DNASE1: variants seen among roughly 807,000 people sequenced by gnomAD.
DNASE1 encodes the protein deoxyribonuclease 1.
A neutral mutation model predicts 33.9 loss-of-function variants in DNASE1; 40 were observed. The observed-to-expected ratio is 1.18, with a 90% CI of 0.92 to 1.54. The LOEUF (loss-of-function observed/expected upper bound fraction) is 1.54. Ranked by LOEUF, DNASE1 falls within the 40% of genes most tolerant of loss-of-function variation. DNASE1 has a pLI of 0.00. For synonymous variants in DNASE1, 216 were observed against 160.0 expected (o/e 1.35, Z -2.64); for missense variants, 518 against 372.6 (o/e 1.39, Z -3.21).
chr16:3,624,702 G>A (rs1385184322), intron 1 of DNASE1, among the ~76,000 whole-genome samples: 2 of 152,006 alleles, frequency 1.3e-5, no homozygotes, highest in African/African-American at 4.8e-5. Flanking sequence ...TTTTGAGATG[G>A]AGTCTTACTT....
chr16:3,656,756 G>T lies in DNASE1; in HGVS notation c.436+3G>T, dbSNP rs753077810. On this transcript the variant is annotated splice_donor_region_variant and intron_variant, in intron 5 of 8. Coordinates refer to ENST00000246949, the MANE Select transcript of DNASE1 (RefSeq NM_005223.4). ...CAGGTTCTTCTCCCGGTTCACAGGTGGGTGCTGCCTGGGCCAGGGTGGGGC... is the reference window on the plus strand; with the variant it reads ...CAGGTTCTTCTCCCGGTTCACAGGTTGGTGCTGCCTGGGCCAGGGTGGGGC... 3.1e-6 allele frequency: 5 copies of T among 1,602,410 alleles called. No individual in the cohort carries two copies. The African/African-American group carries it at 5.4e-5, about 17-fold the overall frequency.
downstream of DNASE1, chr16:3,661,831 G>C (rs1294131493): frequency 1.0e-6 from 1 of 962,116 alleles, no homozygotes; most frequent in African/African-American, 1.7e-5. Flanking sequence ...CATTTCACAT[G>C]GGTGCAGCCT....
At chr16:3,627,275 CTT>C (rs774487244) in intron 1 of DNASE1, among the ~76,000 whole-genome samples, 39 of 133,720 alleles carry the variant, frequency 2.9e-4, no homozygotes, top group Admixed American at 3.0e-4. Flanking sequence ...ATGACATATC[CTT>C]TTTTTTTTTT....
chr16:3,635,327 G>A (rs992710716), intron 1 of DNASE1, among the ~76,000 whole-genome samples: 10 of 151,764 alleles, frequency 6.6e-5, no homozygotes, highest in South Asian at 4.2e-4. Flanking sequence ...GCGTGGTGGC[G>A]TGTGCCTATA....
At chr16:3,647,649 T>A (rs368949089) in intron 1 of DNASE1, among the ~76,000 whole-genome samples, 1 of 152,184 alleles carries the variant, frequency 6.6e-6, no homozygotes, top group African/African-American at 2.4e-5. Flanking sequence ...GCTGGCATTT[T>A]GAAGCAAATC....
At chr16:3,625,167 G>A (rs2041466905) in intron 1 of DNASE1, among the ~76,000 whole-genome samples, 1 of 152,128 alleles carries the variant, frequency 6.6e-6, no homozygotes, top group African/African-American at 2.4e-5. Context: ...TTAGCCAGGT[G>A]TGGTGGTGCA....
At chr16:3,626,063 G>A (rs1826213608) in intron 1 of DNASE1, among the ~76,000 whole-genome samples, 1 of 152,120 alleles carries the variant, frequency 6.6e-6, no homozygotes, top group Non-Finnish European at 1.5e-5. Context: ...TTCTGCCACT[G>A]TACTCCAGCC....
At chr16:3,658,377 C>G (rs2042848122), downstream of DNASE1, 1 of 680,140 alleles carries the variant, frequency 1.5e-6, no homozygotes, top group East Asian at 2.7e-5. Context: ...CCCCCCGCCT[C>G]CCAAAGTGCT....
chr16:3,636,903 C>A (rs1176569376), intron 1 of DNASE1, among the ~76,000 whole-genome samples: 2 of 151,960 alleles, frequency 1.3e-5, no homozygotes, highest in African/African-American at 4.8e-5. Flanking sequence ...GCAGGCTGAT[C>A]ACTTGAGGTC....
At chr16:3,662,256 T>C (rs552005105), downstream of DNASE1, 36 of 1,189,358 alleles carry the variant, frequency 3.0e-5, no homozygotes, top group Non-Finnish European at 3.9e-5. Flanking sequence ...AGGACTCCCC[T>C]GGACCAGCGC....
chr16:3,620,182 C>T (rs1195855295), intron 1 of DNASE1, among the ~76,000 whole-genome samples: 5 of 152,068 alleles, frequency 3.3e-5, no homozygotes, highest in Non-Finnish European at 7.4e-5. Context: ...TCCCAAAGCG[C>T]TGGGATTACA....
At chr16:3,664,304 G>C in exon 10 of DNASE1, 1 of 1,608,708 alleles carries the variant, frequency 6.2e-7, no homozygotes. Flanking sequence ...TGGCCTCATA[G>C]TAGGGTGAGT....
chr16:3,616,821 T>C (rs1441430964), intron 1 of DNASE1, among the ~76,000 whole-genome samples: 2 of 152,108 alleles, frequency 1.3e-5, no homozygotes, highest in African/African-American at 4.8e-5. Context: ...GGAAGAGAAT[T>C]GAGAGTCTAG....
chr16:3,616,314 C>G (rs1035903223), intron 1 of DNASE1, among the ~76,000 whole-genome samples: 4 of 152,138 alleles, frequency 2.6e-5, no homozygotes, highest in Non-Finnish European at 5.9e-5. Flanking sequence ...AGTGGAAAAA[C>G]CGATGTTAAA....
chr16:3,663,120 CAA>C (rs2043177029), exon 10 of DNASE1: 2 of 694,214 alleles, frequency 2.9e-6, no homozygotes, highest in African/African-American at 1.8e-5. Context: ...AGTAAAACCT[CAA>C]AGGATGCTTC....
intron 1 of DNASE1, among the ~76,000 whole-genome samples, chr16:3,648,519 C>T (rs1161704103): frequency 6.6e-6 from 1 of 152,100 alleles, no homozygotes; most frequent in Non-Finnish European, 1.5e-5. Context: ...TGGTGTGAAC[C>T]CCAGAGGCGA....
intron 7 of DNASE1, among the ~76,000 whole-genome samples, 176 bp from the exon 8 acceptor site, chr16:3,657,544 G>C (rs559948770): frequency 6.6e-6 from 1 of 152,318 alleles, no homozygotes; most frequent in Admixed American, 6.5e-5. Flanking sequence ...AGGAGAGGCA[G>C]ACACCTAGGC....
intron 2 of DNASE1, 34 bp from the exon 3 acceptor site, chr16:3,655,815 G>T (rs889726916): frequency 6.2e-7 from 1 of 1,611,020 alleles, no homozygotes; most frequent in African/African-American, 1.3e-5. Context: ...GGTGGCACCA[G>T]CCCTGCTCAG....
At chr16:3,654,452 CA>C (rs1178821119), upstream of DNASE1, 1 of 398,568 alleles carries the variant, frequency 2.5e-6, no homozygotes, top group African/African-American at 2.1e-5. Context: ...TGTCAGCCAC[CA>C]GGGGGCTCCA....
Sources: gnomAD v4.1 joint callset for allele counts (sites outside exome capture counted in the v4.1 genomes callset) on GRCh38, gnomAD v4.1.1 for gene constraint, MANE v1.5 for transcripts, NCBI Gene and HGNC (gene_info 2026-07-23, HGNC 2026-07-21) for gene names.